The following TENM2 variants were observed in gnomAD, a reference collection of about 807,000 sequenced individuals.
The protein encoded by TENM2 is teneurin-2.
TENM2 carries 52 observed loss-of-function variants against 245.2 expected under a neutral mutation model. The ratio of observed to expected loss-of-function variants is 0.21; its 90% CI spans 0.17 to 0.27. TENM2 has a LOEUF of 0.27. TENM2 is among the 10% of genes least tolerant of loss of function. The probability of loss-of-function intolerance (pLI) is 1.00; values close to 1 mark genes in which losing one functional copy is unlikely to be tolerated. For synonymous variants in TENM2, 1,363 were observed against 1,438.9 expected, an observed-to-expected ratio of 0.95 and a Z score of 1.19; for missense variants, 3,046 against 3,666.8, an observed-to-expected ratio of 0.83 and a Z score of 4.37.
intron 5 of TENM2, among the ~76,000 whole-genome samples, chr5:168,046,746 A>T (rs975812380): frequency 2.0e-5 from 3 of 152,162 alleles, no homozygotes; most frequent in African/African-American, 7.2e-5. Flanking sequence ...AAGAATAGTA[A>T]TGTTTTCAGA....
chr5:168,156,255 A>AAAAAAAAC (rs1562226665), intron 12 of TENM2, among the ~76,000 whole-genome samples: 1 of 149,824 alleles, frequency 6.7e-6, no homozygotes, highest in Non-Finnish European at 1.5e-5. Context: ...GTTAAAAAAA[A>AAAAAAAAC]AAAAAAAAAA....
intron 9 of TENM2, among the ~76,000 whole-genome samples, chr5:168,116,697 A>T (rs1326877815): frequency 6.6e-6 from 1 of 152,222 alleles, no homozygotes; most frequent in Non-Finnish European, 1.5e-5. Context: ...ATCTTTGGGA[A>T]ATTAGACACG....
chr5:167,891,387 T>G (rs575100008), intron 3 of TENM2, among the ~76,000 whole-genome samples: 156 of 152,286 alleles, frequency 1.0e-3, no homozygotes, highest in African/African-American at 3.6e-3. Flanking sequence ...GTGATTCTCC[T>G]GCCTCAGCCT....
chr5:167,415,168 G>C (rs10062352), intron 2 of TENM2, among the ~76,000 whole-genome samples: 66,008 of 151,846 alleles, frequency 0.43, 14,895 homozygotes, highest in Non-Finnish European at 0.49. Context: ...GCCACAGGAA[G>C]ATTTCTGTCT....
intron 4 of TENM2, among the ~76,000 whole-genome samples, chr5:167,971,250 CAG>C (rs1177605756): frequency 3.1e-4 from 36 of 116,486 alleles, no homozygotes; most frequent in Non-Finnish European, 3.6e-4. Flanking sequence ...TAAAGGGAGG[CAG>C]AGAGAGAGAG....
intron 2 of TENM2, among the ~76,000 whole-genome samples, chr5:167,495,608 C>A (rs1360609398): frequency 6.6e-6 from 1 of 152,014 alleles, no homozygotes; most frequent in African/African-American, 2.4e-5. Flanking sequence ...TGGCAATATA[C>A]TATAGTGGTG....
intron 2 of TENM2, among the ~76,000 whole-genome samples, chr5:167,719,460 C>T (rs1035104529): frequency 6.6e-6 from 1 of 152,096 alleles, no homozygotes; most frequent in African/African-American, 2.4e-5. Context: ...AAGGAAGCTT[C>T]GAACAGCTGG....
At chr5:167,702,750 C>T (rs1016403881) in intron 2 of TENM2, among the ~76,000 whole-genome samples, 1 of 151,946 alleles carries the variant, frequency 6.6e-6, no homozygotes, top group Non-Finnish European at 1.5e-5. Context: ...CTGCAACCTC[C>T]GCCTCCTGGG....
intron 25 of TENM2, among the ~76,000 whole-genome samples, chr5:168,235,444 A>G (rs1765343989): frequency 6.6e-6 from 1 of 152,254 alleles, no homozygotes; most frequent in Admixed American, 6.5e-5. Flanking sequence ...AAAAGTGGAA[A>G]AACCCTAATG....
the TENM2 span, among the ~76,000 whole-genome samples, chr5:167,231,137 A>G: frequency 3.1e-3 from 472 of 152,324 alleles, 4 homozygotes; most frequent in Non-Finnish European, 5.0e-3. Context: ...TTCTTAATAA[A>G]TTACCAGTCT....
At chr5:167,485,956 A>G (rs1372294243) in intron 2 of TENM2, among the ~76,000 whole-genome samples, 1 of 152,102 alleles carries the variant, frequency 6.6e-6, no homozygotes, top group Admixed American at 6.5e-5. Context: ...CACACACACA[A>G]ATTATACATA....
At chr5:167,750,971 C>G (rs984317808) in intron 2 of TENM2, among the ~76,000 whole-genome samples, 41 of 152,216 alleles carry the variant, frequency 2.7e-4, no homozygotes, top group African/African-American at 9.4e-4. Context: ...GAGGACCTGA[C>G]TTGCATATGA....
intron 2 of TENM2, among the ~76,000 whole-genome samples, chr5:167,469,327 A>G (rs1205819004): frequency 6.6e-6 from 1 of 152,190 alleles, no homozygotes; most frequent in African/African-American, 2.4e-5. Context: ...AAACTACAGT[A>G]TAAAGAGACT....
chr5:167,524,771 C>T (rs947892653), intron 2 of TENM2, among the ~76,000 whole-genome samples: 2 of 151,618 alleles, frequency 1.3e-5, no homozygotes, highest in South Asian at 2.1e-4. Context: ...TTGCTATTTT[C>T]GAAACAGTTC....
intron 7 of TENM2, among the ~76,000 whole-genome samples, chr5:168,069,942 A>G (rs556641524): frequency 1.3e-5 from 2 of 152,318 alleles, no homozygotes; most frequent in Admixed American, 1.3e-4. Flanking sequence ...AAAATTAACA[A>G]AGAAGGTGAT....
the TENM2 span, among the ~76,000 whole-genome samples, chr5:167,074,075 C>A: frequency 1.1e-4 from 17 of 152,084 alleles, no homozygotes; most frequent in African/African-American, 3.9e-4. Flanking sequence ...TGGGGTGGAA[C>A]AACTAAAGGG....
At chr5:167,346,664 G>T (rs1466830265) in intron 1 of TENM2, among the ~76,000 whole-genome samples, 1 of 152,186 alleles carries the variant, frequency 6.6e-6, no homozygotes, top group Non-Finnish European at 1.5e-5. Flanking sequence ...TTTCATGGAT[G>T]CTGGCAGAAG....
chr5:168,155,375 AAC>A lies in TENM2; in HGVS notation c.2423-7234_2423-7233del, dbSNP rs1356972270. Among the ~76,000 whole-genome samples, 3 of 141,362 alleles carry A rather than the reference AAC, an allele frequency of 2.1e-5. No homozygotes were observed. In the East Asian group the frequency reaches 6.4e-4, roughly 30 times the overall value. 92.7% of individuals were successfully genotyped at this position (141,362 alleles called of 152,430 possible). ...AAAAACAAAAAACAAACAAAAAAAA[AAC>A]AGTGATATTTAAAACAGTTGGTGAA... On this transcript the variant is annotated intron_variant, in intron 12 of 28. Transcript: ENST00000518659.
chr5:168,227,304 A>G (rs541473313), intron 24 of TENM2, among the ~76,000 whole-genome samples: 4 of 152,308 alleles, frequency 2.6e-5, no homozygotes, highest in African/African-American at 9.6e-5. Flanking sequence ...TCCCTGATGT[A>G]TTTGAGTCTC....
Sources: gnomAD v4.1 joint callset for allele counts (sites outside exome capture counted in the v4.1 genomes callset) on GRCh38, gnomAD v4.1.1 for gene constraint, MANE v1.5 for transcripts, NCBI Gene and HGNC (gene_info 2026-07-23, HGNC 2026-07-21) for gene names.